The following ASCC3 variants were observed in gnomAD, a reference collection of about 807,000 sequenced individuals.
ASCC3 encodes the protein ASC-1 complex subunit P200.
A neutral mutation model predicts 256.3 loss-of-function variants in ASCC3; 158 were observed. That is an observed-to-expected ratio of 0.62 (90% confidence interval 0.54 to 0.70). ASCC3 has a LOEUF of 0.70. Among genes scored for constraint, ASCC3 ranks in the 30% least tolerant of loss-of-function variants. The pLI is 0.00. For synonymous variants in ASCC3, 948 were observed against 883.4 expected (o/e 1.07, Z -1.30); for missense variants, 2,259 against 2,626.0 (o/e 0.86, Z 3.05).
intron 8 of ASCC3, among the ~76,000 whole-genome samples, chr6:100,791,957 T>C (rs539054806): frequency 1.2e-4 from 18 of 152,010 alleles, no homozygotes; most frequent in Admixed American, 9.9e-4. Flanking sequence ...GATAGCAGAA[T>C]AGAAAGACAT....
chr6:100,572,617 T>C (rs1350218968), intron 36 of ASCC3, among the ~76,000 whole-genome samples: 2 of 152,154 alleles, frequency 1.3e-5, no homozygotes, highest in Non-Finnish European at 2.9e-5. Flanking sequence ...TAGTATTATA[T>C]ATAAAACAAG....
At chr6:100,620,921 T>C (rs1373578565) in intron 30 of ASCC3, among the ~76,000 whole-genome samples, 1 of 152,224 alleles carries the variant, frequency 6.6e-6, no homozygotes, top group Non-Finnish European at 1.5e-5. Context: ...ACCTGCTTTA[T>C]AGTATGCTTC....
At chr6:100,861,693 T>C (rs1409474742) in intron 3 of ASCC3, among the ~76,000 whole-genome samples, 1 of 152,194 alleles carries the variant, frequency 6.6e-6, no homozygotes, top group Non-Finnish European at 1.5e-5. Flanking sequence ...ATTTTATTTG[T>C]CTGAGAAATA....
At chr6:100,818,284 G>C (rs1276672514) in intron 4 of ASCC3, among the ~76,000 whole-genome samples, 5 of 152,074 alleles carry the variant, frequency 3.3e-5, no homozygotes, top group Admixed American at 2.6e-4. Flanking sequence ...AAAATCCACA[G>C]CTGGCCAGGC....
chr6:100,801,541 A>G (rs7741877), intron 5 of ASCC3, among the ~76,000 whole-genome samples: 143,014 of 152,096 alleles, frequency 0.94, 67,561 homozygotes, highest in South Asian at 0.99. Context: ...CCCATTACAT[A>G]ATTCTGAATA....
intron 36 of ASCC3, among the ~76,000 whole-genome samples, chr6:100,574,643 C>T (rs944594599): frequency 8.6e-5 from 13 of 150,940 alleles, no homozygotes. Context: ...TGGTAATTGA[C>T]AGTCCTTAAT....
chr6:100,684,791 T>C (rs1777477823), intron 13 of ASCC3, among the ~76,000 whole-genome samples: 1 of 150,394 alleles, frequency 6.6e-6, no homozygotes, highest in Admixed American at 6.7e-5. Context: ...TGTGAAATCT[T>C]GAATCAAACT....
At chr6:100,804,291 A>C (rs1770059673) in intron 5 of ASCC3, among the ~76,000 whole-genome samples, 2 of 152,124 alleles carry the variant, frequency 1.3e-5, no homozygotes, top group Admixed American at 1.3e-4. Flanking sequence ...TAATGAATCT[A>C]TGTGAAGGGT....
chr6:100,589,700 T>C lies in ASCC3; in HGVS notation c.5484A>G (p.Thr1828=), dbSNP rs763586551. 2 of 1,613,838 alleles carry C rather than the reference T, an allele frequency of 1.2e-6. No individual in the cohort carries two copies. Among genetic ancestry groups the C allele is most frequent in the Non-Finnish European group, 1.7e-6 (2 of 1,179,834 alleles). ...TCAAGCGGTCCTTGAACATTTTAACTGTTTGATGCTTCAAATAGTAATAGG... is the reference window on the plus strand; with the variant it reads ...TCAAGCGGTCCTTGAACATTTTAACCGTTTGATGCTTCAAATAGTAATAGG... ...IASYYYLKHQ[T]VKMFKDRLKP... The change falls in exon 36 of 42, where the codon ACA becomes ACG. Residue 1828 remains threonine, a synonymous_variant. Coordinates refer to ENST00000369162, the MANE Select transcript of ASCC3 (RefSeq NM_006828.4).
chr6:100,839,348 TCAAA>T (rs1365354132), intron 4 of ASCC3, among the ~76,000 whole-genome samples: 5 of 152,130 alleles, frequency 3.3e-5, no homozygotes, highest in Admixed American at 2.0e-4. Context: ...GTGAACAGTA[TCAAA>T]CAGAGTAGTA....
chr6:100,711,555 TG>T (rs1246759883), intron 13 of ASCC3, among the ~76,000 whole-genome samples: 1 of 151,910 alleles, frequency 6.6e-6, no homozygotes, highest in Non-Finnish European at 1.5e-5. Context: ...GGTGAAACCC[TG>T]TCTCTACTAA....
At chr6:100,744,747 A>G (rs1448525903) in intron 10 of ASCC3, among the ~76,000 whole-genome samples, 1 of 152,226 alleles carries the variant, frequency 6.6e-6, no homozygotes, top group East Asian at 1.9e-4. Flanking sequence ...TGGAAATGCT[A>G]TAAACAAATG....
intron 27 of ASCC3, 79 bp from the exon 28 acceptor site, chr6:100,628,066 T>A: frequency 1.4e-6 from 2 of 1,424,010 alleles, no homozygotes; most frequent in African/African-American, 2.9e-5. Flanking sequence ...AAGGAAGAGT[T>A]TGTAGCTTCC....
chr6:100,697,751 A>G (rs1287449179), intron 13 of ASCC3, among the ~76,000 whole-genome samples: 4 of 152,078 alleles, frequency 2.6e-5, no homozygotes, highest in Non-Finnish European at 4.4e-5. Context: ...GAGGTGGCCA[A>G]GAGGTAAAAA....
intron 36 of ASCC3, among the ~76,000 whole-genome samples, chr6:100,563,808 T>C (rs933923629): frequency 3.9e-5 from 6 of 152,130 alleles, no homozygotes; most frequent in African/African-American, 1.4e-4. Flanking sequence ...AAATTTGCTA[T>C]CAATATTAAA....
intron 36 of ASCC3, among the ~76,000 whole-genome samples, chr6:100,560,886 A>G (rs1769907620): frequency 6.6e-6 from 1 of 152,074 alleles, no homozygotes; most frequent in Non-Finnish European, 1.5e-5. Flanking sequence ...ATTGGAAAAC[A>G]AAGTACATAT....
intron 8 of ASCC3, among the ~76,000 whole-genome samples, chr6:100,776,209 AATAC>A (rs1562289079): frequency 6.6e-6 from 1 of 152,110 alleles, no homozygotes; most frequent in Admixed American, 6.5e-5. Context: ...TACATTAATG[AATAC>A]ATAAAGTTAA....
At chr6:100,618,497 G>A (rs781545810) in intron 30 of ASCC3, among the ~76,000 whole-genome samples, 5 of 152,148 alleles carry the variant, frequency 3.3e-5, no homozygotes, top group Admixed American at 6.6e-5. Flanking sequence ...TTAGGATATC[G>A]GACAGCCTCC....
At chr6:100,644,895 A>G (rs1440362442) in intron 22 of ASCC3, among the ~76,000 whole-genome samples, 1 of 152,206 alleles carries the variant, frequency 6.6e-6, no homozygotes, top group African/African-American at 2.4e-5. Flanking sequence ...AACATTTGAG[A>G]AGTACCCAAA....
Sources: allele counts gnomAD v4.1 joint callset (sites outside exome capture counted in the v4.1 genomes callset), GRCh38; gene constraint gnomAD v4.1.1; transcripts MANE v1.5; gene names NCBI Gene and HGNC (gene_info 2026-07-23, HGNC 2026-07-21).